Variants in NCKAP1 observed in about 807,000 individuals in gnomAD.
NCKAP1 encodes nck-associated protein 1.
A neutral mutation model predicts 151.2 loss-of-function variants in NCKAP1; 21 were observed. The ratio of observed to expected loss-of-function variants is 0.14; its 90% CI spans 0.10 to 0.20. The LOEUF is 0.20. Among genes scored for constraint, NCKAP1 ranks in the 10% least tolerant of loss-of-function variants. NCKAP1 has a pLI of 1.00. For synonymous variants in NCKAP1, 484 were observed against 451.8 expected, an observed-to-expected ratio of 1.07 and a Z score of -0.90; for missense variants, 933 against 1,352.1, an observed-to-expected ratio of 0.69 and a Z score of 4.86.
chr2:182,932,106 C>A (rs1047054979), intron 26 of NCKAP1, among the ~76,000 whole-genome samples: 30 of 152,266 alleles, frequency 2.0e-4, no homozygotes, highest in African/African-American at 7.0e-4. Context: ...TATGACCCTG[C>A]AATTCTCTCC....
intron 13 of NCKAP1, among the ~76,000 whole-genome samples, chr2:182,980,006 T>C (rs1256405803): frequency 1.3e-5 from 2 of 152,130 alleles, no homozygotes; most frequent in African/African-American, 4.8e-5. Context: ...GAATTAATCT[T>C]CTCAGTATTA....
intron 4 of NCKAP1, 106 bp downstream of exon 4, chr2:183,002,867 TA>T: frequency 1.4e-6 from 1 of 737,266 alleles, no homozygotes; most frequent in Non-Finnish European, 2.2e-6. Context: ...TTAATAATGC[TA>T]AAACTTTATA....
chr2:182,976,660 A>G (rs529994093), intron 15 of NCKAP1, among the ~76,000 whole-genome samples: 1 of 152,222 alleles, frequency 6.6e-6, no homozygotes, highest in African/African-American at 2.4e-5. Flanking sequence ...ATTGGGATTT[A>G]AATTTTTAGA....
chr2:182,934,926 T>TA (rs1428290347), intron 25 of NCKAP1, 94 bp from the exon 26 acceptor site: 41 of 624,356 alleles, frequency 6.6e-5, no homozygotes, highest in Non-Finnish European at 1.0e-4. Flanking sequence ...TTAGTTTTCA[T>TA]AAAAATTATT....
intron 11 of NCKAP1, 38 bp downstream of exon 11, chr2:182,983,248 T>A: frequency 5.4e-6 from 8 of 1,474,262 alleles, no homozygotes; most frequent in Non-Finnish European, 7.4e-6. Flanking sequence ...AAAATTTTAA[T>A]ATGGCACAAT....
At chr2:182,957,991 C>T (rs1406405939) in intron 18 of NCKAP1, among the ~76,000 whole-genome samples, 1 of 152,148 alleles carries the variant, frequency 6.6e-6, no homozygotes, top group Non-Finnish European at 1.5e-5. Context: ...GTAGTTAGAA[C>T]TACTATGTGG....
In NCKAP1 at chr2:182,919,609, A is replaced by C. The variant is rs1696518375; in HGVS notation, c.*6093T>G. 6.6e-6 allele frequency: 1 copy of C among 152,010 alleles called. No individual in the cohort carries two copies. Among genetic ancestry groups the C allele is most frequent in the Non-Finnish European group, 1.5e-5 (1 of 67,990 alleles). The allele number at this position is 152,010 out of a possible 1,614,324, so 9.4% of individuals were successfully genotyped here. A position where few individuals can be genotyped will look rare whatever the true frequency, so the allele number is the denominator to read the frequency against. ...ATTGAATGCTATCAGTTCAAGGGTG[A>C]ATATGCCTTCAGAATGCAAGTGCTT... On this transcript the variant is annotated 3_prime_UTR_variant, in exon 31 of 31. Coordinates refer to ENST00000361354, the MANE Select transcript of NCKAP1 (RefSeq NM_013436.5).
At chr2:182,940,150 A>G (rs955761277) in intron 24 of NCKAP1, among the ~76,000 whole-genome samples, 1 of 152,238 alleles carries the variant, frequency 6.6e-6, no homozygotes, top group Non-Finnish European at 1.5e-5. Flanking sequence ...GGAACAGTCA[A>G]AAGACTGTTA....
chr2:183,002,070 T>A, intron 5 of NCKAP1, 27 bp from the exon 6 acceptor site: 1 of 1,612,246 alleles, frequency 6.2e-7, no homozygotes. Context: ...CAAATTTCAA[T>A]GAGTTGTAAT....
Position 182,916,518 on chromosome 2 carries a change from T to C in NCKAP1, c.*9184A>G, listed in dbSNP as rs773344797. ...ATAATAATTACATTATGATTCAATA[T>C]GTACTATAATAAAGGCATTTATAAG... On this transcript the variant is annotated 3_prime_UTR_variant, in exon 31 of 31. Transcript: ENST00000361354. 2.6e-5 allele frequency: 4 copies of C among 152,160 alleles called. No individual in the cohort carries two copies. The highest frequency in any genetic ancestry group is 2.1e-4 in the South Asian group (1 of 4,810). The allele number at this position is 152,160 out of a possible 1,614,324, so 9.4% of individuals were successfully genotyped here. A position where few individuals can be genotyped will look rare whatever the true frequency, so the allele number is the denominator to read the frequency against.
intron 2 of NCKAP1, among the ~76,000 whole-genome samples, chr2:183,023,463 C>T (rs554611124): frequency 6.6e-6 from 1 of 152,244 alleles, no homozygotes; most frequent in African/African-American, 2.4e-5. Context: ...TTACTAACTT[C>T]AACAGGAAGT....
chr2:182,978,399 C>A (rs1697868711), intron 14 of NCKAP1, among the ~76,000 whole-genome samples: 1 of 152,130 alleles, frequency 6.6e-6, no homozygotes, highest in South Asian at 2.1e-4. Context: ...TGTTCAGTAA[C>A]TGCGAGGTTA....
At position 182,982,869 on chromosome 2, in the gene NCKAP1, C is replaced by T. The variant is rs370443899; in HGVS notation, c.1160G>A (p.Arg387His). Residue 387 changes from arginine (R) to histidine (H), a missense_variant, in exon 12 of 31, where the codon CGT (arginine) becomes CAT (histidine). Coordinates refer to ENST00000361354, the MANE Select transcript of NCKAP1 (RefSeq NM_013436.5). ...CTTCTTTGGCATGTTATCTGCATGA[C>T]GAAGTAGCCAGATGATTTCATCACG... The part of the protein sequence containing the change: ...FARDEIIWLL[R>H]HADNMPKKSA... 4 of 1,611,388 alleles carry T rather than the reference C, an allele frequency of 2.5e-6. No homozygotes were observed. Among genetic ancestry groups the T allele is most frequent in the Admixed American group, 3.3e-5 (2 of 59,714 alleles).
chr2:182,963,598 T>G (rs527399428), intron 17 of NCKAP1, among the ~76,000 whole-genome samples: 1 of 152,086 alleles, frequency 6.6e-6, no homozygotes, highest in Admixed American at 6.6e-5. Flanking sequence ...AGAGTACATA[T>G]GAAGAGTATC....
intron 2 of NCKAP1, among the ~76,000 whole-genome samples, chr2:183,004,488 C>CAAAAAAAAA (rs34055584): frequency 5.1e-5 from 4 of 78,776 alleles, no homozygotes; most frequent in Admixed American, 1.4e-4. Flanking sequence ...AAACAGCAAG[C>CAAAAAAAAA]AAAAAAAAAA....
At chr2:183,023,654 G>A in intron 2 of NCKAP1, 152 bp downstream of exon 2, 1 of 536,774 alleles carries the variant, frequency 1.9e-6, no homozygotes, top group South Asian at 3.3e-5. Context: ...TCGGACATAA[G>A]AATATTGTCT....
In NCKAP1 at chr2:183,038,298, C is replaced by G. The variant is rs565493329; in HGVS notation, c.-199G>C. ...GCGGACTCCTCGGAGCCCCTTCTCC[C>G]GCAGCAGCCCGCGCCCCGGCAGCCT... On this transcript the variant is annotated 5_prime_UTR_variant, in exon 1 of 31. Transcript: ENST00000361354. 5.4e-6 allele frequency: 2 copies of G among 367,856 alleles called. No homozygotes were observed. Among genetic ancestry groups the G allele is most frequent in the African/African-American group, 4.3e-5 (2 of 46,854 alleles). The allele number at this position is 367,856 out of a possible 1,614,324, so 22.8% of individuals were successfully genotyped here. A position where few individuals can be genotyped will look rare whatever the true frequency, so the allele number is the denominator to read the frequency against.
intron 10 of NCKAP1, 150 bp downstream of exon 10, chr2:182,986,021 G>C (rs935970054): frequency 2.9e-6 from 2 of 701,030 alleles, no homozygotes; most frequent in African/African-American, 3.6e-5. Flanking sequence ...TACATATTGA[G>C]GCAATATACT....
Position 182,962,240 on chromosome 2 carries a change from A to G in NCKAP1, c.1800T>C (p.Asn600=). The change falls in exon 18 of 31, where the codon AAT becomes AAC. Residue 600 remains asparagine (N), a synonymous_variant. Transcript: ENST00000361354. ...GTTTGGCCATTTCATCTAGGAACAT[A>G]TTACATAAGGAAAGACTGCGATCTC... ...HIGDRSLSLC[N]MFLDEMAKQA... is the part of the protein sequence containing the mutation. 1.2e-6 allele frequency: 2 copies of G among 1,610,976 alleles called. No individual in the cohort carries two copies. Among genetic ancestry groups the G allele is most frequent in the South Asian group, 2.2e-5 (2 of 90,888 alleles).
Sources: allele counts gnomAD v4.1 joint callset (sites outside exome capture counted in the v4.1 genomes callset), GRCh38; gene constraint gnomAD v4.1.1; transcripts MANE v1.5; gene names NCBI Gene and HGNC (gene_info 2026-07-23, HGNC 2026-07-21).